The following OSBPL5 variants were observed in gnomAD, a reference collection of about 807,000 sequenced individuals.
OSBPL5 encodes the protein oxysterol-binding protein-related protein 5.
A neutral mutation model predicts 111.2 loss-of-function variants in OSBPL5; 71 were observed. The ratio of observed to expected loss-of-function variants is 0.64; its 90% CI spans 0.53 to 0.78. OSBPL5 has a LOEUF of 0.78. Among genes scored for constraint, OSBPL5 ranks in the 30% least tolerant of loss-of-function variants. The probability of loss-of-function intolerance (pLI) is 0.00; values close to 1 mark genes in which losing one functional copy is unlikely to be tolerated. For missense variants in OSBPL5, 1,210 were observed against 1,189.3 expected (o/e 1.02, Z -0.26); for synonymous variants, 549 against 513.9 (o/e 1.07, Z -0.93).
intron 1 of OSBPL5, among the ~76,000 whole-genome samples, chr11:3,136,518 GTCC>G (rs1353487455): frequency 6.6e-6 from 1 of 152,220 alleles, no homozygotes; most frequent in African/African-American, 2.4e-5. Flanking sequence ...TTCCTCCTCT[GTCC>G]TCCTGCAGAG....
chr11:3,090,649 G>C lies in OSBPL5; in HGVS notation c.2307C>G (p.Ser769=). The change falls in exon 20 of 22, where the codon TCC becomes TCG. Residue 769 remains serine (S), a synonymous_variant. Transcript: ENST00000263650. ...TGCTCTCCGTGGCCTGGCTGTGGCC[G>C]GAGGGCTGGTCGCTGGCCTTGCGAA... is the stretch of plus-strand genomic sequence containing the variant. The part of the protein sequence containing the change: ...QRLRKASDQP[S]GHSQATESSG... 6.2e-7 allele frequency: 1 copy of C among 1,612,522 alleles called. No individual in the cohort carries two copies. Among genetic ancestry groups the C allele is most frequent in the Non-Finnish European group, 8.5e-7 (1 of 1,179,860 alleles).
In OSBPL5 at chr11:3,122,005, T is replaced by C; in HGVS notation, c.394A>G (p.Ser132Gly). 6.4e-7 allele frequency: 1 copy of C among 1,567,880 alleles called. No homozygotes were observed. The highest frequency in any genetic ancestry group is 8.6e-7 in the Non-Finnish European group (1 of 1,160,766). The change falls in exon 5 of 22, where the codon AGC (serine) becomes GGC (glycine). Residue 132 changes from serine to glycine, a missense_variant. Ser to Gly is a moderately conservative substitution (Grantham distance 56). Transcript: ENST00000263650. The stretch of plus-strand genomic sequence containing the variant: ...GGCCGGGCATCACCTACCTTCAGGC[T>C]GTCAGCCATGATGACCACGCTGGGG... ...TDPSVVIMAD[S>G]LKIRGTLKSW...
intron 14 of OSBPL5, among the ~76,000 whole-genome samples, chr11:3,099,027 T>A (rs1486276500): frequency 6.6e-6 from 1 of 152,184 alleles, no homozygotes; most frequent in Non-Finnish European, 1.5e-5. Context: ...GGTCTTGAAC[T>A]CTTGGGCTCA....
At chr11:3,128,901 C>T in intron 2 of OSBPL5, 112 bp downstream of exon 2, 1 of 1,035,490 alleles carries the variant, frequency 9.7e-7, no homozygotes, top group Non-Finnish European at 1.3e-6. Flanking sequence ...CCACACAGTC[C>T]CCAGCATGGA....
intron 14 of OSBPL5, chr11:3,094,631 C>G: frequency 2.6e-6 from 1 of 382,746 alleles, no homozygotes; most frequent in Non-Finnish European, 4.9e-6. Context: ...GGGGCTCTGT[C>G]CTCGCCAGGG....
chr11:3,137,673 G>A (rs1845987285), intron 1 of OSBPL5, among the ~76,000 whole-genome samples: 1 of 152,242 alleles, frequency 6.6e-6, no homozygotes, highest in African/African-American at 2.4e-5. Context: ...GCCGGTTGTG[G>A]TGGCACATGC....
In OSBPL5 at chr11:3,122,340, G is replaced by C. The variant is rs372844307; in HGVS notation, c.300+8C>G. 89 of 1,612,080 alleles carry C rather than the reference G, an allele frequency of 5.5e-5. No individual in the cohort carries two copies. In the African/African-American group the frequency reaches 1.1e-3, roughly 20 times the overall value. On this transcript the variant is annotated splice_region_variant and intron_variant, in intron 4 of 21. Coordinates refer to ENST00000263650, the MANE Select transcript of OSBPL5 (RefSeq NM_020896.4). ...ACACTGCTGCACCCTCCCCGGGCCC[G>C]GGCTCACCTTGAGAGTCTCCTTCTT...
chr11:3,088,954 G>C (rs1336522227), intron 21 of OSBPL5, among the ~76,000 whole-genome samples: 4 of 152,256 alleles, frequency 2.6e-5, no homozygotes, highest in Middle Eastern at 3.4e-3. Context: ...GTACTCTGCT[G>C]TGGAGGCCCT....
intron 1 of OSBPL5, among the ~76,000 whole-genome samples, chr11:3,163,529 T>TGGGGGTTGGGGG (rs1564873392): frequency 1.5e-4 from 15 of 102,664 alleles, no homozygotes; most frequent in East Asian, 6.0e-4. Flanking sequence ...AGGGGTTGGG[T>TGGGGGTTGGGGG]GGGGGGGGCG....
At chr11:3,128,445 TAGGTGCCAGGG>T (rs1376269328) in intron 2 of OSBPL5, among the ~76,000 whole-genome samples, 18 of 152,286 alleles carry the variant, frequency 1.2e-4, no homozygotes, top group African/African-American at 4.1e-4. Context: ...TGTGCATAGT[TAGGTGCCAGGG>T]AGGGGCCTGG....
intron 1 of OSBPL5, 135 bp from the exon 2 acceptor site, chr11:3,129,304 C>T: frequency 1.2e-6 from 1 of 818,024 alleles, no homozygotes; most frequent in African/African-American, 1.8e-5. Context: ...GGGCCTGGGC[C>T]CTGGGAGCCT....
At chr11:3,089,702 A>C in intron 21 of OSBPL5, 144 bp downstream of exon 21, 3 of 720,432 alleles carry the variant, frequency 4.2e-6, no homozygotes, top group Middle Eastern at 3.8e-4. Context: ...TCTTCCTTTC[A>C]TCACCCTGCA....
At chr11:3,088,376 T>G (rs1207416161) in intron 21 of OSBPL5, 33 bp from the exon 22 acceptor site, 1 of 1,486,320 alleles carries the variant, frequency 6.7e-7, no homozygotes, top group East Asian at 2.5e-5. Flanking sequence ...GTGGGGGCTG[T>G]GCCAATGCCA....
chr11:3,112,074 CAT>C (rs1564837709), intron 7 of OSBPL5, among the ~76,000 whole-genome samples: 18 of 38,336 alleles, frequency 4.7e-4, no homozygotes, highest in Non-Finnish European at 8.4e-4. Context: ...TGTGTGTGTG[CAT>C]GTGTGTGTGC....
At chr11:3,097,625 A>G (rs552828776) in intron 14 of OSBPL5, among the ~76,000 whole-genome samples, 1 of 152,354 alleles carries the variant, frequency 6.6e-6, no homozygotes, top group Non-Finnish European at 1.5e-5. Flanking sequence ...CAAGGGCAAC[A>G]CTATGGTCAG....
rs1014899526 is a variant in OSBPL5, at chr11:3,104,579, G to A, written c.1060-202C>T. Among the ~76,000 whole-genome samples the A allele has an allele frequency of 6.6e-6, 1 of 152,144 alleles. No individual in the cohort carries two copies. The highest frequency in any genetic ancestry group is 2.4e-5 in the African/African-American group (1 of 41,420). On this transcript the variant is annotated intron_variant, in intron 9 of 21. Coordinates refer to ENST00000263650, the MANE Select transcript of OSBPL5 (RefSeq NM_020896.4). The surrounding 1 kb of genome is among the most constrained non-coding windows in gnomAD (Gnocchi z 5.0). The stretch of plus-strand genomic sequence containing the variant: ...CCCAATGCGTCTCCACCCCACCCCT[G>A]GAGCACCCGCAGCCCAGGTCCAGGC...
intron 1 of OSBPL5, among the ~76,000 whole-genome samples, chr11:3,152,371 G>C (rs1227707115): frequency 6.6e-6 from 1 of 152,226 alleles, no homozygotes; most frequent in Non-Finnish European, 1.5e-5. Context: ...TAAAGATCTA[G>C]GTCTTAAATA....
chr11:3,088,677 C>G (rs1010889667), intron 21 of OSBPL5, among the ~76,000 whole-genome samples: 4 of 152,160 alleles, frequency 2.6e-5, no homozygotes, highest in Non-Finnish European at 4.4e-5. Flanking sequence ...GAGTCCTAAC[C>G]CCTTGCACCT....
rs1450728713 is a variant in OSBPL5 at position 3,110,214 on chromosome 11, G to A, written c.692-2269C>T. ...ACTGCTTTAGGTCTGCACCACCGGCGGGATGGGAGCCCTTCACCCCACTGC... is the reference window on the plus strand; with the variant it reads ...ACTGCTTTAGGTCTGCACCACCGGCAGGATGGGAGCCCTTCACCCCACTGC... On this transcript the variant is annotated intron_variant, in intron 7 of 21. Transcript: ENST00000263650. The surrounding 1 kb of genome is among the most constrained non-coding windows in gnomAD (Gnocchi z 5.3). Among the ~76,000 whole-genome samples, 3 of 152,218 alleles carry A rather than the reference G, an allele frequency of 2.0e-5. No individual in the cohort carries two copies. Among genetic ancestry groups the A allele is most frequent in the Non-Finnish European group, 2.9e-5 (2 of 68,038 alleles).
Sources: allele counts gnomAD v4.1 joint callset (sites outside exome capture counted in the v4.1 genomes callset), GRCh38; gene constraint gnomAD v4.1.1; non-coding constraint Gnocchi (gnomAD v3.1); transcripts MANE v1.5; gene names NCBI Gene and HGNC (gene_info 2026-07-23, HGNC 2026-07-21).